The following TAFA2 variants were observed in gnomAD, a reference collection of about 807,000 sequenced individuals.
TAFA2 encodes TAFA chemokine like family member 2.
TAFA2 carries 7 observed loss-of-function variants against 18.8 expected under a neutral mutation model. That is an observed-to-expected ratio of 0.37 (90% CI 0.21 to 0.70). The LOEUF (loss-of-function observed/expected upper bound fraction) is 0.70. TAFA2 is among the 30% of genes least tolerant of loss of function. TAFA2 has a pLI of 0.53. For synonymous variants in TAFA2, 60 were observed against 54.2 expected (o/e 1.11, Z -0.47); for missense variants, 122 against 158.1 (o/e 0.77, Z 1.23).
chr12:62,077,127 TAA>T (rs758615658), intron 1 of TAFA2, among the ~76,000 whole-genome samples: 18 of 152,372 alleles, frequency 1.2e-4, no homozygotes, highest in Admixed American at 2.6e-4. Context: ...GATAAATTAT[TAA>T]AGTCATTAAT....
rs142257537 is a variant in TAFA2, at chr12:61,928,165, C to G, written c.-1-60739G>C. ...CGAAGCCAAAATTGACGAATGGGATCTAATTAAACTAAAGAGCTTCTGCAC... is the reference window on the plus strand; with the variant it reads ...CGAAGCCAAAATTGACGAATGGGATGTAATTAAACTAAAGAGCTTCTGCAC... On this transcript the variant is annotated intron_variant, in intron 1 of 4. Transcript: ENST00000416284. Among the ~76,000 whole-genome samples the G allele has an allele frequency of 2.2e-4, 33 of 152,272 alleles. No homozygotes were observed. In the East Asian group the frequency reaches 6.2e-3, roughly 28 times the overall value.
At chr12:61,743,790 T>C (rs1048747538) in intron 4 of TAFA2, among the ~76,000 whole-genome samples, 1 of 152,066 alleles carries the variant, frequency 6.6e-6, no homozygotes, top group Non-Finnish European at 1.5e-5. Flanking sequence ...AAGTCATTGA[T>C]TACAAGAGTT....
At chr12:61,749,993 C>CCCCCCCA (rs1555161293) in intron 4 of TAFA2, among the ~76,000 whole-genome samples, 2 of 148,782 alleles carry the variant, frequency 1.3e-5, no homozygotes, top group African/African-American at 4.9e-5. Flanking sequence ...TCAAAACACC[C>CCCCCCCA]CACACACACA....
chr12:62,154,459 A>G (rs916661488), intron 1 of TAFA2, among the ~76,000 whole-genome samples: 1 of 152,318 alleles, frequency 6.6e-6, no homozygotes, highest in Non-Finnish European at 1.5e-5. Context: ...AAAGCTAGAC[A>G]CATTTCTAGC....
intron 1 of TAFA2, chr12:61,880,415 C>A: frequency 1.9e-6 from 1 of 538,242 alleles, no homozygotes; most frequent in South Asian, 1.4e-5. Context: ...GTGGGCCAAG[C>A]AGGACATGGC....
At chr12:62,149,501 T>C (rs1437582251) in intron 1 of TAFA2, among the ~76,000 whole-genome samples, 1 of 151,044 alleles carries the variant, frequency 6.6e-6, no homozygotes, top group African/African-American at 2.4e-5. Flanking sequence ...TATATGAAAA[T>C]ACAGTTTTGC....
intron 2 of TAFA2, among the ~76,000 whole-genome samples, chr12:61,836,232 G>A (rs1872913766): frequency 1.3e-5 from 2 of 152,010 alleles, no homozygotes; most frequent in East Asian, 3.9e-4. Context: ...ATTTGAATGT[G>A]AAATGCTTGA....
At chr12:61,782,057 G>A (rs1426407160) in intron 2 of TAFA2, among the ~76,000 whole-genome samples, 1 of 151,532 alleles carries the variant, frequency 6.6e-6, no homozygotes, top group African/African-American at 2.4e-5. Context: ...TGGAATACAT[G>A]CCTACTAAAG....
At chr12:62,111,746 T>C (rs1179447218) in intron 1 of TAFA2, among the ~76,000 whole-genome samples, 1 of 152,176 alleles carries the variant, frequency 6.6e-6, no homozygotes, top group African/African-American at 2.4e-5. Flanking sequence ...GTAATTCCCT[T>C]CTTTGTCTTT....
chr12:61,839,530 G>C (rs1873083592), intron 2 of TAFA2, among the ~76,000 whole-genome samples: 1 of 152,040 alleles, frequency 6.6e-6, no homozygotes, highest in African/African-American at 2.4e-5. Flanking sequence ...ATTGGATAAA[G>C]AAAATGTGGT....
At chr12:62,163,972 C>G (rs920268958) in intron 1 of TAFA2, among the ~76,000 whole-genome samples, 6 of 152,078 alleles carry the variant, frequency 3.9e-5, no homozygotes, top group Non-Finnish European at 7.4e-5. Flanking sequence ...AAAGGATTTT[C>G]ACTTCAACAG....
At chr12:62,126,569 GT>G (rs1245608924) in intron 1 of TAFA2, among the ~76,000 whole-genome samples, 1 of 152,058 alleles carries the variant, frequency 6.6e-6, no homozygotes, top group Non-Finnish European at 1.5e-5. Flanking sequence ...GGTTTCCAAA[GT>G]TTGAGATTCT....
intron 1 of TAFA2, among the ~76,000 whole-genome samples, chr12:62,255,524 C>T (rs1171751060): frequency 1.3e-5 from 2 of 152,118 alleles, no homozygotes; most frequent in Non-Finnish European, 2.9e-5. Flanking sequence ...TAATTATAGA[C>T]CTGTTAGATA....
intron 1 of TAFA2, chr12:62,021,608 G>T: frequency 9.5e-7 from 1 of 1,055,014 alleles, no homozygotes; most frequent in Non-Finnish European, 1.5e-6. Context: ...GGCGGTTCTG[G>T]CTTCCCACCC....
intron 1 of TAFA2, among the ~76,000 whole-genome samples, chr12:62,086,832 C>G (rs1419904258): frequency 1.3e-5 from 2 of 152,074 alleles, no homozygotes; most frequent in African/African-American, 2.4e-5. Flanking sequence ...GTTATCTATA[C>G]ACCTATATTC....
chr12:62,135,330 T>A (rs186204022), intron 1 of TAFA2, among the ~76,000 whole-genome samples: 120 of 152,168 alleles, frequency 7.9e-4, no homozygotes, highest in African/African-American at 2.7e-3. Flanking sequence ...AAAATCTGAC[T>A]CCTCTAACTT....
intron 1 of TAFA2, 114 bp downstream of exon 1, chr12:62,191,145 C>T (rs2279563): frequency 0.18 from 27,240 of 152,010 alleles, 2,793 homozygotes; most frequent in African/African-American, 0.28. Flanking sequence ...TCCCGGACCC[C>T]CGAGAAAGGG....
At chr12:61,835,282 G>T (rs1416139025) in intron 2 of TAFA2, among the ~76,000 whole-genome samples, 2 of 151,968 alleles carry the variant, frequency 1.3e-5, no homozygotes, top group Non-Finnish European at 2.9e-5. Context: ...TTGGGATAAT[G>T]CTATAGATAA....
At chr12:61,725,178 A>T (rs1429405291) in intron 4 of TAFA2, among the ~76,000 whole-genome samples, 1 of 151,730 alleles carries the variant, frequency 6.6e-6, no homozygotes, top group Non-Finnish European at 1.5e-5. Flanking sequence ...TAGATTCTGG[A>T]TATAGTTTTT....
Sources: allele counts gnomAD v4.1 joint callset (sites outside exome capture counted in the v4.1 genomes callset), GRCh38; gene constraint gnomAD v4.1.1; transcripts MANE v1.5; gene names NCBI Gene and HGNC (gene_info 2026-07-23, HGNC 2026-07-21).